Variants in MAGI1 observed in about 807,000 individuals in gnomAD.
MAGI1 encodes membrane-associated guanylate kinase, WW and PDZ domain-containing protein 1.
MAGI1 carries 58 observed loss-of-function variants against 139.9 expected under a neutral mutation model. That is an observed-to-expected ratio of 0.41 (90% CI 0.34 to 0.52). MAGI1 has a LOEUF of 0.52. Ranked by LOEUF, MAGI1 falls within the 20% of genes least tolerant of loss-of-function variation. MAGI1 has a pLI of 0.12. For missense variants in MAGI1, 1,874 were observed against 1,901.6 expected (o/e 0.99, Z 0.27); for synonymous variants, 812 against 737.9 (o/e 1.10, Z -1.63).
intron 1 of MAGI1, among the ~76,000 whole-genome samples, chr3:65,906,854 A>G (rs166441): frequency 0.011 from 1,725 of 151,494 alleles, 31 homozygotes; most frequent in African/African-American, 0.039. Flanking sequence ...CCATTGCACT[A>G]CAGCCTGGGC....
At chr3:65,812,730 GAC>G (rs2041352825) in intron 1 of MAGI1, among the ~76,000 whole-genome samples, 1 of 66,400 alleles carries the variant, frequency 1.5e-5, no homozygotes, top group African/African-American at 6.3e-5. Context: ...TTTTTTTTGA[GAC>G]AGAGTTTTGC....
At chr3:65,782,089 T>C (rs571856939) in intron 1 of MAGI1, among the ~76,000 whole-genome samples, 15 of 152,160 alleles carry the variant, frequency 9.9e-5, no homozygotes, top group Non-Finnish European at 2.1e-4. Context: ...CAATCACAGA[T>C]TGTAGAAATT....
At chr3:65,761,321 G>C (rs1269398765) in intron 1 of MAGI1, among the ~76,000 whole-genome samples, 1 of 152,078 alleles carries the variant, frequency 6.6e-6, no homozygotes, top group African/African-American at 2.4e-5. Flanking sequence ...GATTAAAATG[G>C]AAGATTCTTG....
intron 1 of MAGI1, among the ~76,000 whole-genome samples, chr3:65,957,814 G>A (rs2064211215): frequency 6.6e-6 from 1 of 152,062 alleles, no homozygotes; most frequent in Non-Finnish European, 1.5e-5. Flanking sequence ...TGTTGCCCAA[G>A]CTGGAGTACA....
intron 2 of MAGI1, among the ~76,000 whole-genome samples, chr3:65,538,409 A>G (rs1244063826): frequency 1.3e-5 from 2 of 152,278 alleles, no homozygotes; most frequent in Middle Eastern, 3.4e-3. Flanking sequence ...GTGATAAAAA[A>G]CACTGATCTC....
chr3:65,630,007 G>A (rs959760781), intron 1 of MAGI1, among the ~76,000 whole-genome samples: 14 of 152,074 alleles, frequency 9.2e-5, no homozygotes, highest in South Asian at 2.1e-4. Context: ...ATACACAAAC[G>A]TACAACAAAC....
chr3:65,589,930 T>C (rs1252616600), intron 2 of MAGI1, among the ~76,000 whole-genome samples: 2 of 152,044 alleles, frequency 1.3e-5, no homozygotes, highest in Non-Finnish European at 2.9e-5. Context: ...CCTTGGCATC[T>C]CTGTGTCCAT....
chr3:65,723,355 A>G (rs1190232582), intron 1 of MAGI1, among the ~76,000 whole-genome samples: 1 of 152,208 alleles, frequency 6.6e-6, no homozygotes, highest in Non-Finnish European at 1.5e-5. Context: ...TGGACTTTTC[A>G]TGCAGAACAT....
chr3:65,985,391 T>C (rs2065828252), intron 1 of MAGI1, among the ~76,000 whole-genome samples: 2 of 152,176 alleles, frequency 1.3e-5, no homozygotes, highest in Non-Finnish European at 2.9e-5. Context: ...TGCAGAAATG[T>C]TCTCAATGGA....
chr3:65,950,357 ACC>A (rs1458189930), intron 1 of MAGI1, among the ~76,000 whole-genome samples: 1 of 149,118 alleles, frequency 6.7e-6, no homozygotes, highest in East Asian at 2.0e-4. Context: ...GCCTCAAAGA[ACC>A]CTCCTGGTAA....
intron 1 of MAGI1, among the ~76,000 whole-genome samples, chr3:65,653,039 C>A (rs984307250): frequency 1.3e-5 from 2 of 152,126 alleles, no homozygotes; most frequent in East Asian, 1.9e-4. Flanking sequence ...GAATCCGGGT[C>A]ACTTGTAGTT....
chr3:65,444,441 TGAG>T (rs1314778274), intron 7 of MAGI1, among the ~76,000 whole-genome samples: 1 of 146,424 alleles, frequency 6.8e-6, no homozygotes, highest in Non-Finnish European at 1.5e-5. Flanking sequence ...TGGGTGGATG[TGAG>T]GAGACCGCAT....
intron 1 of MAGI1, among the ~76,000 whole-genome samples, chr3:65,816,710 T>C (rs559668916): frequency 1.3e-5 from 2 of 151,874 alleles, no homozygotes; most frequent in African/African-American, 4.8e-5. Flanking sequence ...TTTAAGGACA[T>C]AATTCTTCAG....
intron 1 of MAGI1, among the ~76,000 whole-genome samples, chr3:65,918,223 T>C (rs1437170724): frequency 6.6e-6 from 1 of 152,176 alleles, no homozygotes. Context: ...TCATTAAGCA[T>C]TTTTATTAAA....
intron 3 of MAGI1, 71 bp downstream of exon 3, chr3:65,493,441 G>T: frequency 6.3e-7 from 1 of 1,585,084 alleles, no homozygotes; most frequent in Non-Finnish European, 8.6e-7. Context: ...AAACATTTTT[G>T]CCTGGATGGC....
intron 1 of MAGI1, among the ~76,000 whole-genome samples, chr3:65,876,256 A>G (rs2060111985): frequency 1.3e-5 from 2 of 152,098 alleles, no homozygotes; most frequent in African/African-American, 4.8e-5. Flanking sequence ...CAGGAGTTCA[A>G]TGCTACAGTG....
chr3:65,373,808 G>A (rs1454136119), intron 18 of MAGI1, among the ~76,000 whole-genome samples: 1 of 152,220 alleles, frequency 6.6e-6, no homozygotes, highest in East Asian at 1.9e-4. Flanking sequence ...TGCATTTGAA[G>A]GAGGGTCAAG....
intron 4 of MAGI1, among the ~76,000 whole-genome samples, chr3:65,473,524 T>G (rs1950680406): frequency 6.6e-6 from 1 of 151,788 alleles, no homozygotes; most frequent in Admixed American, 6.6e-5. Context: ...AATAATTTCA[T>G]TTGAAAATTT....
intron 1 of MAGI1, among the ~76,000 whole-genome samples, chr3:65,625,367 G>A (rs11926742): frequency 0.65 from 99,382 of 151,940 alleles, 33,213 homozygotes; most frequent in East Asian, 0.92. Flanking sequence ...TTCAGGTTGC[G>A]TAGTTCTCTC....
Sources: allele counts gnomAD v4.1 joint callset (sites outside exome capture counted in the v4.1 genomes callset), GRCh38; gene constraint gnomAD v4.1.1; transcripts MANE v1.5; gene names NCBI Gene and HGNC (gene_info 2026-07-23, HGNC 2026-07-21).